BICD1: variants seen among roughly 807,000 people sequenced by gnomAD.
BICD1 encodes protein bicaudal D homolog 1.
In BICD1, 35 loss-of-function variants were observed where a neutral mutation model predicts 92.5. The observed-to-expected ratio is 0.38, with a 90% confidence interval of 0.29 to 0.50. The LOEUF (loss-of-function observed/expected upper bound fraction) is 0.50, where lower values mean the gene tolerates loss of function less well. BICD1 is among the 20% of genes least tolerant of loss of function. BICD1 has a pLI of 0.93. For missense variants in BICD1, 950 were observed against 1,189.8 expected, an observed-to-expected ratio of 0.80 and a Z score of 2.97; for synonymous variants, 429 against 465.1, an observed-to-expected ratio of 0.92 and a Z score of 1.00.
At chr12:32,255,162 C>T (rs1324089213) in intron 2 of BICD1, among the ~76,000 whole-genome samples, 1 of 152,132 alleles carries the variant, frequency 6.6e-6, no homozygotes, top group African/African-American at 2.4e-5. Context: ...TTCCTCTGTG[C>T]TTGCATGGAG....
chr12:32,218,527 G>T (rs934300968), intron 2 of BICD1, among the ~76,000 whole-genome samples: 1 of 152,164 alleles, frequency 6.6e-6, no homozygotes, highest in Non-Finnish European at 1.5e-5. Context: ...GCTGAGGAAG[G>T]CTCACAATTG....
intron 1 of BICD1, among the ~76,000 whole-genome samples, chr12:32,110,849 A>C (rs1329688678): frequency 1.2e-5 from 1 of 85,588 alleles, no homozygotes; most frequent in East Asian, 4.1e-4. Flanking sequence ...GGGTGGGGGG[A>C]GGGGGGATGG....
chr12:32,119,634 G>T (rs76953445), intron 1 of BICD1, among the ~76,000 whole-genome samples: 1 of 152,202 alleles, frequency 6.6e-6, no homozygotes, highest in South Asian at 2.1e-4. Flanking sequence ...CACTTAGGGA[G>T]ACCAAGGCAG....
intron 1 of BICD1, among the ~76,000 whole-genome samples, chr12:32,112,942 A>G (rs1941752929): frequency 6.6e-6 from 1 of 152,178 alleles, no homozygotes; most frequent in Non-Finnish European, 1.5e-5. Flanking sequence ...ATCCTTACTC[A>G]AGGTAGGTGT....
intron 2 of BICD1, among the ~76,000 whole-genome samples, chr12:32,276,225 G>T (rs1033601238): frequency 1.3e-5 from 2 of 152,030 alleles, no homozygotes; most frequent in African/African-American, 4.8e-5. Flanking sequence ...GACATGGAAG[G>T]CACCCTTCCG....
intron 1 of BICD1, among the ~76,000 whole-genome samples, chr12:32,134,393 G>A (rs748078794): frequency 1.6e-4 from 24 of 152,208 alleles, no homozygotes; most frequent in Non-Finnish European, 3.1e-4. Flanking sequence ...TGATGATAAC[G>A]TTGGTTTCTT....
intron 1 of BICD1, among the ~76,000 whole-genome samples, chr12:32,199,088 G>C (rs1349466185): frequency 6.6e-6 from 1 of 152,178 alleles, no homozygotes; most frequent in Non-Finnish European, 1.5e-5. Flanking sequence ...GAGTTGCAGA[G>C]AGGCATAAAT....
intron 2 of BICD1, among the ~76,000 whole-genome samples, chr12:32,221,382 T>TAA (rs1445751094): frequency 6.8e-6 from 1 of 146,610 alleles, no homozygotes; most frequent in African/African-American, 2.5e-5. Flanking sequence ...TAAATAAAAA[T>TAA]AAATAAAAAT....
intron 1 of BICD1, among the ~76,000 whole-genome samples, chr12:32,182,964 A>G (rs1395775110): frequency 6.8e-6 from 1 of 146,566 alleles, no homozygotes; most frequent in East Asian, 2.0e-4. Context: ...GTGTGATCAC[A>G]GATCACTGCA....
intron 8 of BICD1, among the ~76,000 whole-genome samples, chr12:32,343,857 A>G (rs559774269): frequency 2.0e-5 from 3 of 152,236 alleles, no homozygotes; most frequent in Non-Finnish European, 2.9e-5. Context: ...ACACACTGAC[A>G]TGTTCATAGT....
At chr12:32,131,884 C>T (rs1021279819) in intron 1 of BICD1, among the ~76,000 whole-genome samples, 3 of 152,082 alleles carry the variant, frequency 2.0e-5, no homozygotes, top group Non-Finnish European at 4.4e-5. Flanking sequence ...CAAGTAAATG[C>T]ATAATTTTAC....
At chr12:32,171,892 C>T (rs1943950494) in intron 1 of BICD1, among the ~76,000 whole-genome samples, 1 of 150,838 alleles carries the variant, frequency 6.6e-6, no homozygotes, top group African/African-American at 2.4e-5. Flanking sequence ...TAAGATCATG[C>T]CACTGCACTC....
chr12:32,300,735 C>T (rs189221759), intron 3 of BICD1, among the ~76,000 whole-genome samples: 2,785 of 147,936 alleles, frequency 0.019, 69 homozygotes, highest in Non-Finnish European at 0.024. Context: ...AGCTCTGCCT[C>T]CCGGGTTCAC....
intron 1 of BICD1, among the ~76,000 whole-genome samples, chr12:32,141,728 C>A (rs1447886206): frequency 6.6e-6 from 1 of 152,212 alleles, no homozygotes; most frequent in Non-Finnish European, 1.5e-5. Flanking sequence ...TCCGCCTCAG[C>A]CTCCCAAAGT....
intron 2 of BICD1, among the ~76,000 whole-genome samples, chr12:32,217,586 G>A (rs1364538055): frequency 6.6e-6 from 1 of 152,176 alleles, no homozygotes; most frequent in East Asian, 1.9e-4. Context: ...AATATGACTT[G>A]TGAAGACAGA....
At chr12:32,346,036 C>G (rs922270624) in intron 8 of BICD1, among the ~76,000 whole-genome samples, 2 of 152,102 alleles carry the variant, frequency 1.3e-5, no homozygotes, top group Non-Finnish European at 2.9e-5. Flanking sequence ...GTACTCTCAG[C>G]TACTCAGGAG....
chr12:32,190,731 T>A (rs1246393940), intron 1 of BICD1, among the ~76,000 whole-genome samples: 1 of 152,156 alleles, frequency 6.6e-6, no homozygotes, highest in Non-Finnish European at 1.5e-5. Context: ...CTGAATAACA[T>A]TATAGACCAA....
chr12:32,374,990 C>T (rs1053261141), intron 9 of BICD1, among the ~76,000 whole-genome samples: 10 of 54,892 alleles, frequency 1.8e-4, no homozygotes, highest in African/African-American at 8.2e-4. Context: ...GCGATCTCGG[C>T]TCACTGCAAG....
At chr12:32,171,340 G>A (rs775733838) in intron 1 of BICD1, among the ~76,000 whole-genome samples, 2 of 152,246 alleles carry the variant, frequency 1.3e-5, no homozygotes, top group African/African-American at 2.4e-5. Context: ...CCCCGAAGGC[G>A]ATGCTGTGGG....
Sources: gnomAD v4.1 joint callset for allele counts (sites outside exome capture counted in the v4.1 genomes callset) on GRCh38, gnomAD v4.1.1 for gene constraint, MANE v1.5 for transcripts, NCBI Gene and HGNC (gene_info 2026-07-23, HGNC 2026-07-21) for gene names.